The following DNMT1 variants were observed in gnomAD, a reference collection of about 807,000 sequenced individuals.
DNMT1 encodes the protein DNA methyltransferase 1, also known as DNA (cytosine-5)-methyltransferase 1.
In DNMT1, 24 loss-of-function variants were observed where a neutral mutation model predicts 205.3. The observed-to-expected ratio is 0.12, with a 90% confidence interval of 0.08 to 0.16. The LOEUF is 0.16. Among genes scored for constraint, DNMT1 ranks in the 10% least tolerant of loss-of-function variants. The pLI is 1.00. For missense variants in DNMT1, 1,293 were observed against 2,177.7 expected, an observed-to-expected ratio of 0.59 and a Z score of 8.09; for synonymous variants, 817 against 839.8, an observed-to-expected ratio of 0.97 and a Z score of 0.47.
At position 10,154,299 on chromosome 19, in the gene DNMT1, G is replaced by A; in HGVS notation, c.2013C>T (p.Val671=). 1 of 1,614,096 alleles carries A rather than the reference G, an allele frequency of 6.2e-7. No homozygotes were observed. Among genetic ancestry groups the A allele is most frequent in the South Asian group, 1.1e-5 (1 of 91,080 alleles). The change falls in exon 22 of 41, where the codon GTC becomes GTT. Residue 671 remains valine, a synonymous_variant. Coordinates refer to ENST00000359526, the MANE Select transcript of DNMT1 (RefSeq NM_001130823.3). The surrounding 1 kb of genome is among the most constrained non-coding windows in gnomAD (Gnocchi z 6.3). ...CACCCACAGGTGAGGTTACCTCACA[G>A]ACGCCACATCGCCGGCGCTTAAAGG... The part of the protein sequence containing the change: ...ENAFKRRRCG[V]CEVCQQPECG...
Position 10,187,504 on chromosome 19 carries a change from G to A in DNMT1, c.81-5427C>T, listed in dbSNP as rs368678519. Among the ~76,000 whole-genome samples the A allele has an allele frequency of 6.6e-5, 10 of 152,124 alleles. No individual in the cohort carries two copies. The South Asian group carries it at 2.1e-3, about 32-fold the overall frequency. On this transcript the variant is annotated intron_variant, in intron 1 of 40. Transcript: ENST00000359526. ...TAGTCTTAGCTACTCGGGAGGCAGA[G>A]GCGGGAGGATCACTAGAGCTCAGGA...
Position 10,166,651 on chromosome 19 carries a change from T to G in DNMT1, c.838A>C (p.Arg280=). 6.2e-7 allele frequency: 1 copy of G among 1,614,240 alleles called. No homozygotes were observed. Among genetic ancestry groups the G allele is most frequent in the Non-Finnish European group, 8.5e-7 (1 of 1,180,028 alleles). ...GCCTGCACGCCTGCCCTGGCTTCTC[T>G]GTCCGGCTCCTCCTTCAGTTTCTGT... ...PKQKLKEEPD[R]EARAGVQADE... is the part of the protein sequence containing the mutation. The change falls in exon 11 of 41, where the codon AGA becomes CGA. Residue 280 remains arginine, a synonymous_variant. Transcript: ENST00000359526.
At chr19:10,157,833 C>T (rs969829700) in intron 17 of DNMT1, among the ~76,000 whole-genome samples, 1 of 152,184 alleles carries the variant, frequency 6.6e-6, no homozygotes, top group African/African-American at 2.4e-5. Flanking sequence ...GGTCCCGCTC[C>T]CCGCTGCACA....
Position 10,149,901 on chromosome 19 carries a change from C to T in DNMT1, c.2333G>A (p.Cys778Tyr). ...IDAETLEVGD[C>Y]VSVIPDDSSK... ...GGAATCATCTGGAATAACAGAGACA[C>T]AGTCCCCCACTTCCAGGGTTTCCGC... is the stretch of plus-strand genomic sequence containing the variant. Residue 778 changes from cysteine to tyrosine, a missense_variant, in exon 25 of 41, where the codon TGT becomes TAT. By Grantham distance (194) the Cys-to-Tyr change is radical. Coordinates refer to ENST00000359526, the MANE Select transcript of DNMT1 (RefSeq NM_001130823.3). The T allele has an allele frequency of 6.2e-7, 1 of 1,614,214 alleles. No individual in the cohort carries two copies. The highest frequency in any genetic ancestry group is 1.1e-5 in the South Asian group (1 of 91,084).
chr19:10,180,305 C>T (rs560441604), intron 4 of DNMT1, 45 bp downstream of exon 4: 2 of 1,593,230 alleles, frequency 1.3e-6, no homozygotes, highest in South Asian at 2.2e-5. Context: ...CAGTGAGACT[C>T]CATCTCAAAA....
intron 1 of DNMT1, among the ~76,000 whole-genome samples, chr19:10,194,006 A>T (rs1252599283): frequency 6.6e-6 from 1 of 152,208 alleles, no homozygotes; most frequent in Non-Finnish European, 1.5e-5. Flanking sequence ...CATTAGACAC[A>T]CACTAAAGAA....
At position 10,156,689 on chromosome 19, in the gene DNMT1, C is replaced by T. The variant is rs758409017; in HGVS notation, c.1281-180G>A. Among the ~76,000 whole-genome samples, 16 of 152,158 alleles carry T rather than the reference C, an allele frequency of 1.1e-4. No homozygotes were observed. The highest frequency in any genetic ancestry group is 2.2e-4 in the Non-Finnish European group (15 of 68,018). Reference sequence around the variant, plus strand: ...CTGGAGCGCGATGGCATAATCTTGGCTCACTGCAGCCTCCACCTCCCGGGT... The same window carrying T: ...CTGGAGCGCGATGGCATAATCTTGGTTCACTGCAGCCTCCACCTCCCGGGT... On this transcript the variant is annotated intron_variant, in intron 17 of 40. Coordinates refer to ENST00000359526, the MANE Select transcript of DNMT1 (RefSeq NM_001130823.3). The surrounding 1 kb of genome is among the most constrained non-coding windows in gnomAD (Gnocchi z 4.2).
intron 11 of DNMT1, 138 bp from the exon 12 acceptor site, chr19:10,163,498 T>C: frequency 1.2e-6 from 1 of 850,024 alleles, no homozygotes; most frequent in Non-Finnish European, 2.0e-6. Flanking sequence ...CAGGCAGGCC[T>C]GGGCAGATCT....
rs188026806 is a variant in DNMT1, at chr19:10,136,108, C to A, written c.4656+13G>T. 1.7e-5 allele frequency: 27 copies of A among 1,613,908 alleles called. No individual in the cohort carries two copies. The East Asian group carries it at 5.8e-4, about 35-fold the overall frequency. ...GCCTGACCCAGGCCCTCGGATGCCC[C>A]CTCCCCACCTACCTGCTTGCCCATG... On this transcript the variant is annotated intron_variant, in intron 38 of 40. Transcript: ENST00000359526.
At chr19:10,174,289 G>C (rs577624729) in intron 7 of DNMT1, among the ~76,000 whole-genome samples, 1 of 152,180 alleles carries the variant, frequency 6.6e-6, no homozygotes, top group East Asian at 1.9e-4. Context: ...ATTGGCATGC[G>C]CCTGTAGTCC....
In DNMT1 at chr19:10,140,174, C is replaced by T. The variant is rs1599346495; in HGVS notation, c.3678G>A (p.Arg1226=). 5.6e-6 allele frequency: 9 copies of T among 1,613,958 alleles called. 1 individual carries two copies. Among genetic ancestry groups the T allele is most frequent in the African/African-American group, 2.7e-5 (2 of 75,070 alleles). ...TCTCCACGTCTCCCTTCTGGGGCAG[C>T]CGCTGGCCGCGGGAGTTGGTGGTCT... ...AGETTNSRGQ[R]LPQKGDVEML... Residue 1226 remains arginine, a synonymous_variant, in exon 33 of 41, where the codon CGG becomes CGA. Transcript: ENST00000359526. The surrounding 1 kb of genome is among the most constrained non-coding windows in gnomAD (Gnocchi z 8.4).
intron 33 of DNMT1, 72 bp downstream of exon 33, chr19:10,139,973 GA>G: frequency 6.2e-7 from 1 of 1,600,098 alleles, no homozygotes. Context: ...AGTGCAGGGC[GA>G]AAATGACCAC....
In DNMT1 at chr19:10,166,659, T is replaced by A. The variant is rs1393687942; in HGVS notation, c.830A>T (p.Glu277Val). Residue 277 changes from glutamate (E) to valine (V), a missense_variant, in exon 11 of 41, where the codon GAG becomes GTG. Glu to Val is a moderately radical substitution (Grantham distance 121). This residue lies in a region of DNMT1 where 394 missense variants were observed against 451.6 expected (regional missense o/e 0.87). Transcript: ENST00000359526. ...EPTPKQKLKE[E>V]PDREARAGVQ... ...GCCTGCCCTGGCTTCTCTGTCCGGC[T>A]CCTCCTTCAGTTTCTGTTTGGGTGT... 1 of 1,614,142 alleles carries A rather than the reference T, an allele frequency of 6.2e-7. No homozygotes were observed. Among genetic ancestry groups the A allele is most frequent in the South Asian group, 1.1e-5 (1 of 91,088 alleles).
chr19:10,176,493 T>C (rs1367441417), intron 6 of DNMT1, among the ~76,000 whole-genome samples: 6 of 152,200 alleles, frequency 3.9e-5, no homozygotes, highest in African/African-American at 9.6e-5. Context: ...ATACCAACTA[T>C]ATATCTGATA....
At chr19:10,192,282 T>C (rs1273966067) in intron 1 of DNMT1, among the ~76,000 whole-genome samples, 1 of 151,766 alleles carries the variant, frequency 6.6e-6, no homozygotes, top group East Asian at 1.9e-4. Context: ...TGAGATCCTG[T>C]CTCTTAAAAA....
chr19:10,155,748 G>A, intron 19 of DNMT1, 105 bp downstream of exon 19: 4 of 1,250,062 alleles, frequency 3.2e-6, no homozygotes, highest in Non-Finnish European at 4.6e-6. Flanking sequence ...ATGGCCTTCT[G>A]CAAGCCTGCT....
intron 1 of DNMT1, among the ~76,000 whole-genome samples, chr19:10,185,648 G>T (rs2039163802): frequency 6.6e-6 from 1 of 151,878 alleles, no homozygotes; most frequent in Non-Finnish European, 1.5e-5. Flanking sequence ...GCTACACTGA[G>T]AGATCCCATC....
At position 10,156,383 on chromosome 19, in the gene DNMT1, T is replaced by C; in HGVS notation, c.1399+8A>G. 6.3e-7 allele frequency: 1 copy of C among 1,599,522 alleles called. No homozygotes were observed. Among genetic ancestry groups the C allele is most frequent in the Non-Finnish European group, 8.6e-7 (1 of 1,168,126 alleles). Reference sequence around the variant, plus strand: ...GTGCCCCAAACATAATCCCGGACTATTCCTTACCTTCAAGAGATGGGTCAT... The same window carrying C: ...GTGCCCCAAACATAATCCCGGACTACTCCTTACCTTCAAGAGATGGGTCAT... On this transcript the variant is annotated splice_region_variant and intron_variant, in intron 18 of 40. Transcript: ENST00000359526. This position sits in a 1 kb window ranked among gnomAD's most constrained non-coding sequence, Gnocchi z 4.2.
rs529074384 is a variant in DNMT1 at position 10,160,041 on chromosome 19, C to T, written c.1066G>A (p.Ala356Thr). ...ACCTTGGAGTTCATGACTGTTTTGG[C>T]GCGAGCCATTTTTTTCTCCGTTCTG... The part of the protein sequence containing the change: ...KEPTEKKMAR[A>T]KTVMNSKTHP... The change falls in exon 15 of 41, where the codon GCC (alanine) becomes ACC (threonine). Residue 356 changes from alanine to threonine, a missense_variant. This residue lies in a region of DNMT1 where 394 missense variants were observed against 451.6 expected (regional missense o/e 0.87). Transcript: ENST00000359526. 3.5e-5 allele frequency: 57 copies of T among 1,609,412 alleles called. No individual in the cohort carries two copies. In the South Asian group the frequency reaches 5.4e-4, roughly 15 times the overall value.
Sources: allele counts gnomAD v4.1 joint callset (sites outside exome capture counted in the v4.1 genomes callset), GRCh38; gene constraint gnomAD v4.1.1; regional missense constraint gnomAD v4.1.1; non-coding constraint Gnocchi (gnomAD v3.1); transcripts MANE v1.5; gene names NCBI Gene and HGNC (gene_info 2026-07-23, HGNC 2026-07-21).